Variants in DENND1B observed in about 807,000 individuals in gnomAD.
DENND1B encodes the protein DENN domain containing 1B, also known as DENN domain-containing protein 1B.
Under a neutral mutation model 90.1 loss-of-function variants are expected in DENND1B, and 59 were observed. That is an observed-to-expected ratio of 0.65 (90% CI 0.53 to 0.81). DENND1B has a LOEUF of 0.81. DENND1B is among the 40% of genes least tolerant of loss of function. The probability of loss-of-function intolerance (pLI) is 0.00; values close to 1 mark genes in which losing one functional copy is unlikely to be tolerated. For synonymous variants in DENND1B, 337 were observed against 324.6 expected (o/e 1.04, Z -0.41); for missense variants, 862 against 912.6 (o/e 0.94, Z 0.71).
At chr1:197,760,178 T>A (rs984626143) in intron 2 of DENND1B, among the ~76,000 whole-genome samples, 7 of 152,168 alleles carry the variant, frequency 4.6e-5, no homozygotes, top group Admixed American at 2.0e-4. Flanking sequence ...TTCAGTGACT[T>A]CAAACATTTT....
chr1:197,560,410 T>A (rs1019270731), intron 15 of DENND1B, among the ~76,000 whole-genome samples: 9 of 151,852 alleles, frequency 5.9e-5, no homozygotes, highest in Non-Finnish European at 1.3e-4. Context: ...TGATGTAGTA[T>A]GTGAGAAAGT....
At chr1:197,582,221 T>C (rs1375136141) in intron 15 of DENND1B, among the ~76,000 whole-genome samples, 1 of 152,176 alleles carries the variant, frequency 6.6e-6, no homozygotes, top group African/African-American at 2.4e-5. Context: ...TTTTAAAATT[T>C]CCTCAGAAGT....
intron 20 of DENND1B, among the ~76,000 whole-genome samples, chr1:197,521,368 G>A (rs1668763028): frequency 6.6e-6 from 1 of 151,920 alleles, no homozygotes; most frequent in Admixed American, 6.6e-5. Flanking sequence ...AAGGCAAAAT[G>A]CAGGGTAAAT....
At chr1:197,627,691 G>A (rs1254633494) in intron 10 of DENND1B, among the ~76,000 whole-genome samples, 1 of 151,946 alleles carries the variant, frequency 6.6e-6, no homozygotes, top group African/African-American at 2.4e-5. Flanking sequence ...CAATTAGGCA[G>A]GGGAAGGAAA....
At chr1:197,736,054 T>C in intron 2 of DENND1B, 1 of 859,598 alleles carries the variant, frequency 1.2e-6, no homozygotes, top group South Asian at 1.4e-5. Flanking sequence ...AGCACCTAAG[T>C]AAATGATTGT....
chr1:197,681,229 T>C (rs930620408), intron 3 of DENND1B, among the ~76,000 whole-genome samples: 1 of 152,148 alleles, frequency 6.6e-6, no homozygotes, highest in Non-Finnish European at 1.5e-5. Flanking sequence ...TACAGATGTA[T>C]GTACAAATAT....
chr1:197,610,413 C>T lies in DENND1B; in HGVS notation c.819+1518G>A, dbSNP rs191952874. On this transcript the variant is annotated intron_variant, in intron 12 of 22. Transcript: ENST00000620048. ...ACCCTTTTATACAGTATTTTGGAAA[C>T]GCTGAATCATTTGCTTTAAAAGTTG... Among the ~76,000 whole-genome samples the T allele has an allele frequency of 9.4e-5, 14 of 149,668 alleles. No individual in the cohort carries two copies. The East Asian group carries it at 1.4e-3, about 15-fold the overall frequency.
intron 2 of DENND1B, among the ~76,000 whole-genome samples, chr1:197,732,394 T>C (rs1662231967): frequency 6.6e-6 from 1 of 152,146 alleles, no homozygotes; most frequent in Non-Finnish European, 1.5e-5. Context: ...TATCACTCAA[T>C]GGCCAGCACA....
At chr1:197,629,008 A>C (rs183097043) in intron 10 of DENND1B, among the ~76,000 whole-genome samples, 5 of 152,234 alleles carry the variant, frequency 3.3e-5, no homozygotes, top group African/African-American at 1.2e-4. Context: ...AATGAACATC[A>C]TTAAAAAGTC....
chr1:197,658,861 CTA>C (rs562174872), intron 5 of DENND1B, among the ~76,000 whole-genome samples: 10 of 150,752 alleles, frequency 6.6e-5, no homozygotes, highest in African/African-American at 1.5e-4. Context: ...ATCAAAAAGA[CTA>C]TTCTAAAAAT....
At chr1:197,641,828 A>C (rs928618740) in intron 10 of DENND1B, among the ~76,000 whole-genome samples, 9 of 152,142 alleles carry the variant, frequency 5.9e-5, no homozygotes, top group African/African-American at 2.2e-4. Context: ...AACTCCTTCT[A>C]CTTTAAATGC....
At position 197,652,283 on chromosome 1, in the gene DENND1B, C is replaced by A; in HGVS notation, c.399G>T (p.Leu133=). The A allele has an allele frequency of 6.2e-7, 1 of 1,611,646 alleles. No individual in the cohort carries two copies. The highest frequency in any genetic ancestry group is 8.5e-7 in the Non-Finnish European group (1 of 1,179,138). The change falls in exon 7 of 23, where the codon CTG becomes CTT. Residue 133 remains leucine (L), a synonymous_variant. Transcript: ENST00000620048. The stretch of plus-strand genomic sequence containing the variant: ...TTGCCTTTGGTACTGGGTGGTTATA[C>A]AGTGATCTGAGAGTTTCATTCAAAT... ...ENDLNETLRS[L]YNHPVPKANT...
chr1:197,643,303 C>T (rs1441553735), intron 9 of DENND1B, among the ~76,000 whole-genome samples: 2 of 152,008 alleles, frequency 1.3e-5, no homozygotes, highest in East Asian at 1.9e-4. Flanking sequence ...TACAGGTGCA[C>T]GCCACCACAT....
intron 10 of DENND1B, among the ~76,000 whole-genome samples, chr1:197,626,981 G>T (rs1175613993): frequency 1.3e-5 from 2 of 152,146 alleles, no homozygotes; most frequent in Non-Finnish European, 1.5e-5. Flanking sequence ...AAACCAGGAA[G>T]AAGTTGAATC....
intron 20 of DENND1B, among the ~76,000 whole-genome samples, chr1:197,522,245 T>G (rs1668829758): frequency 6.6e-6 from 1 of 152,026 alleles, no homozygotes; most frequent in African/African-American, 2.4e-5. Context: ...AAAGGCAAAC[T>G]GGAAGATTAT....
At chr1:197,675,129 A>C (rs899506290) in intron 3 of DENND1B, among the ~76,000 whole-genome samples, 1 of 152,144 alleles carries the variant, frequency 6.6e-6, no homozygotes, top group Non-Finnish European at 1.5e-5. Context: ...GAATTTTATA[A>C]GGATGTTTCC....
intron 3 of DENND1B, among the ~76,000 whole-genome samples, chr1:197,683,871 G>A (rs1366408929): frequency 1.3e-5 from 2 of 152,196 alleles, no homozygotes; most frequent in Non-Finnish European, 1.5e-5. Context: ...TTAGCAACCA[G>A]ATCAATGGAG....
At chr1:197,745,908 G>C (rs1663696827) in intron 2 of DENND1B, among the ~76,000 whole-genome samples, 2 of 151,952 alleles carry the variant, frequency 1.3e-5, no homozygotes, top group African/African-American at 4.8e-5. Flanking sequence ...CTTTTACTAT[G>C]CAATTCTGAA....
chr1:197,650,499 A>G (rs1166747092), intron 7 of DENND1B, among the ~76,000 whole-genome samples: 1 of 152,228 alleles, frequency 6.6e-6, no homozygotes. Flanking sequence ...CATCTGATCT[A>G]GCAATCCCAG....
Sources: allele counts gnomAD v4.1 joint callset (sites outside exome capture counted in the v4.1 genomes callset), GRCh38; gene constraint gnomAD v4.1.1; transcripts MANE v1.5; gene names NCBI Gene and HGNC (gene_info 2026-07-23, HGNC 2026-07-21).